SMG6: variants seen among roughly 807,000 people sequenced by gnomAD.
SMG6 encodes telomerase-binding protein EST1A.
A neutral mutation model predicts 142.2 loss-of-function variants in SMG6; 66 were observed. That is an observed-to-expected ratio of 0.46 (90% CI 0.38 to 0.57). The LOEUF (loss-of-function observed/expected upper bound fraction) is 0.57, where lower values mean the gene tolerates loss of function less well. Among genes scored for constraint, SMG6 ranks in the 20% least tolerant of loss-of-function variants. The pLI is 0.00. For missense variants in SMG6, 1,793 were observed against 1,832.0 expected (o/e 0.98, Z 0.39); for synonymous variants, 779 against 702.4 (o/e 1.11, Z -1.72).
intron 10 of SMG6, among the ~76,000 whole-genome samples, chr17:2,208,867 TG>T (rs2072765579): frequency 6.6e-6 from 1 of 152,188 alleles, no homozygotes. Flanking sequence ...ACACGTATCG[TG>T]GGATAGATAG....
intron 13 of SMG6, among the ~76,000 whole-genome samples, chr17:2,108,948 T>C (rs1232910607): frequency 6.6e-6 from 1 of 152,086 alleles, no homozygotes; most frequent in Non-Finnish European, 1.5e-5. Context: ...ACCTAGGCAT[T>C]TTCACTTATT....
intron 13 of SMG6, among the ~76,000 whole-genome samples, chr17:2,116,479 T>C (rs1007172907): frequency 6.6e-6 from 1 of 152,120 alleles, no homozygotes; most frequent in Non-Finnish European, 1.5e-5. Flanking sequence ...ATCCCAGCAC[T>C]TTGGGAGGCT....
rs559136295 is a variant in SMG6 at position 2,130,928 on chromosome 17, AG to A, written c.3357+41729del. Among the ~76,000 whole-genome samples, 42 of 152,088 alleles carry A rather than the reference AG, an allele frequency of 2.8e-4. No individual in the cohort carries two copies. In the South Asian group the frequency reaches 7.1e-3, roughly 26 times the overall value. ...CTGAGGCAGAGAATTGCTTGAACCC[AG>A]GAGGAAGAGGTTGCAGTGAGCCGAG... On this transcript the variant is annotated intron_variant, in intron 13 of 18. Transcript: ENST00000263073.
intron 13 of SMG6, among the ~76,000 whole-genome samples, chr17:2,128,843 G>C (rs757614051): frequency 4.7e-5 from 7 of 148,820 alleles, no homozygotes; most frequent in African/African-American, 1.2e-4. Context: ...AAGAGAGAGA[G>C]AGAAAGAAAG....
In SMG6 at chr17:2,300,093, C is replaced by A. The variant is rs762948851; in HGVS notation, c.660G>T (p.Met220Ile). 1.9e-6 allele frequency: 3 copies of A among 1,614,146 alleles called. No homozygotes were observed. Among genetic ancestry groups the A allele is most frequent in the Non-Finnish European group, 2.5e-6 (3 of 1,180,018 alleles). The change falls in exon 2 of 19, where the codon ATG becomes ATT. Residue 220 changes from methionine (M) to isoleucine (I), a missense_variant. This residue lies in a region of SMG6 where 1,597 missense variants were observed against 1,584.6 expected (regional missense o/e 1.01). Coordinates refer to ENST00000263073, the MANE Select transcript of SMG6 (RefSeq NM_017575.5). Reference protein sequence around the residue: ...GAAKGEKGKRMGKGEGVRETH... With the variant: ...GAAKGEKGKRIGKGEGVRETH... ...TTTCCCTCACCCCCTCCCCTTTTCC[C>A]ATCCTCTTTCCTTTTTCTCCTTTTG...
chr17:2,113,824 C>T (rs1257912424), intron 13 of SMG6, among the ~76,000 whole-genome samples: 1 of 152,142 alleles, frequency 6.6e-6, no homozygotes, highest in Non-Finnish European at 1.5e-5. Flanking sequence ...TCCTGAGTGT[C>T]ACACGAGAGT....
chr17:2,288,746 C>T (rs959447221), intron 6 of SMG6, among the ~76,000 whole-genome samples: 10 of 151,688 alleles, frequency 6.6e-5, no homozygotes, highest in African/African-American at 2.4e-4. Context: ...GCCTGGATAA[C>T]ATGGCGAAAT....
chr17:2,101,931 G>A (rs1301365060), intron 13 of SMG6, among the ~76,000 whole-genome samples: 1 of 151,724 alleles, frequency 6.6e-6, no homozygotes, highest in Non-Finnish European at 1.5e-5. Flanking sequence ...TCTCCCCAAG[G>A]AGAAAGCTCT....
At chr17:2,240,496 A>C (rs575602828) in intron 9 of SMG6, among the ~76,000 whole-genome samples, 1 of 152,340 alleles carries the variant, frequency 6.6e-6, no homozygotes, top group Admixed American at 6.5e-5. Context: ...AAAAAAAACA[A>C]ATCATAGTAC....
chr17:2,110,853 G>A (rs544500487), intron 13 of SMG6, among the ~76,000 whole-genome samples: 2 of 152,236 alleles, frequency 1.3e-5, no homozygotes, highest in Admixed American at 6.5e-5. Context: ...AAATTTGAAG[G>A]CCAGAAACAA....
intron 9 of SMG6, among the ~76,000 whole-genome samples, chr17:2,243,848 T>A (rs376656265): frequency 2.0e-4 from 30 of 152,298 alleles, no homozygotes; most frequent in East Asian, 1.9e-3. Context: ...AGTAGAAAAC[T>A]GGTCTAGTGG....
At chr17:2,118,627 T>A (rs2069583553) in intron 13 of SMG6, among the ~76,000 whole-genome samples, 1 of 151,992 alleles carries the variant, frequency 6.6e-6, no homozygotes, top group Non-Finnish European at 1.5e-5. Context: ...CTTTTTAAAT[T>A]TTGAGCAACG....
chr17:2,222,525 G>A (rs2073199938), intron 10 of SMG6, among the ~76,000 whole-genome samples: 1 of 129,122 alleles, frequency 7.7e-6, no homozygotes, highest in African/African-American at 2.9e-5. Context: ...TCGTGAATGA[G>A]CTCAGAGAGA....
chr17:2,132,793 C>T (rs1198931023), intron 13 of SMG6, among the ~76,000 whole-genome samples: 1 of 152,176 alleles, frequency 6.6e-6, no homozygotes, highest in Non-Finnish European at 1.5e-5. Context: ...ATTAAATATA[C>T]TGCCTTTTGT....
At chr17:2,170,008 C>A (rs1244783788) in intron 13 of SMG6, among the ~76,000 whole-genome samples, 1 of 152,050 alleles carries the variant, frequency 6.6e-6, no homozygotes, top group East Asian at 1.9e-4. Flanking sequence ...CAAAGAAGTG[C>A]CAAGAATAAC....
rs1567561214 is a variant in SMG6, at chr17:2,060,922, G to GT, written c.*569dup. 1 of 153,882 alleles carries GT rather than the reference G, an allele frequency of 6.5e-6. No individual in the cohort carries two copies. The highest frequency in any genetic ancestry group is 1.4e-5 in the Non-Finnish European group (1 of 69,230). 9.5% of individuals were successfully genotyped at this position (153,882 alleles called of 1,614,324 possible). ...GAAGAGGTGGGGGCCCAGGGCTGCT[G>GT]TTAGGGACATGCTGTCTAGAAGCCG... On this transcript the variant is annotated 3_prime_UTR_variant, in exon 19 of 19. Transcript: ENST00000263073.
chr17:2,291,821 C>T (rs1483901413), intron 6 of SMG6, among the ~76,000 whole-genome samples: 1 of 148,320 alleles, frequency 6.7e-6, no homozygotes, highest in Non-Finnish European at 1.5e-5. Flanking sequence ...TGCACTCCAG[C>T]CTGGGTGACA....
chr17:2,265,576 G>A (rs2074406732), intron 8 of SMG6, among the ~76,000 whole-genome samples: 1 of 151,636 alleles, frequency 6.6e-6, no homozygotes, highest in Non-Finnish European at 1.5e-5. Flanking sequence ...CCTAACAGAA[G>A]AACCTTATCA....
chr17:2,158,222 T>C (rs1045565207), intron 13 of SMG6, among the ~76,000 whole-genome samples: 2 of 152,200 alleles, frequency 1.3e-5, no homozygotes, highest in Non-Finnish European at 2.9e-5. Context: ...CCTACACTCA[T>C]TGTGCAATTT....
Sources: gnomAD v4.1 joint callset for allele counts (sites outside exome capture counted in the v4.1 genomes callset) on GRCh38, gnomAD v4.1.1 for gene constraint, gnomAD v4.1.1 regional missense constraint, MANE v1.5 for transcripts, NCBI Gene and HGNC (gene_info 2026-07-23, HGNC 2026-07-21) for gene names.